The following BTD variants were observed in gnomAD, a reference collection of about 807,000 sequenced individuals.
BTD encodes the protein biocytinase.
Under a neutral mutation model 17.7 loss-of-function variants are expected in BTD, and 13 were observed. That is an observed-to-expected ratio of 0.74 (90% CI 0.48 to 1.17). The LOEUF is 1.17. BTD is among the 50% of genes most tolerant of loss of function. The pLI is 0.00. For missense variants in BTD, 674 were observed against 650.4 expected (o/e 1.04, Z -0.39); for synonymous variants, 240 against 245.2 (o/e 0.98, Z 0.20).
At chr3:15,622,548 A>G (rs896457464) in intron 1 of BTD, among the ~76,000 whole-genome samples, 1 of 152,212 alleles carries the variant, frequency 6.6e-6, no homozygotes, top group Non-Finnish European at 1.5e-5. Context: ...AGTAGTCTAT[A>G]GATGTCCCTT....
chr3:15,663,640 A>G (rs2065948089), intron 3 of BTD, among the ~76,000 whole-genome samples: 1 of 152,156 alleles, frequency 6.6e-6, no homozygotes, highest in Non-Finnish European at 1.5e-5. Context: ...TCCTTTAAAC[A>G]TCTATGGGCT....
rs577214765 is a variant in BTD at position 15,676,905 on chromosome 3, A to T, written c.400-33155A>T. The stretch of plus-strand genomic sequence containing the variant: ...AACCTATTCCAATAGTCACATGTTT[A>T]AAAAAATCCATTTATCATTTTTATA... On this transcript the variant is annotated intron_variant, in intron 3 of 3. Transcript: ENST00000672141. 1.5e-5 allele frequency: 20 copies of T among 1,346,706 alleles called. No individual in the cohort carries two copies. In the African/African-American group the frequency reaches 2.3e-4, roughly 16 times the overall value. 83.4% of individuals were successfully genotyped at this position (1,346,706 alleles called of 1,614,324 possible). A position where few individuals can be genotyped will look rare whatever the true frequency, so the allele number is the denominator to read the frequency against.
intron 3 of BTD, among the ~76,000 whole-genome samples, chr3:15,673,741 C>T (rs2066618473): frequency 6.6e-6 from 1 of 151,980 alleles, no homozygotes; most frequent in Admixed American, 6.6e-5. Context: ...AGTGTTCAGG[C>T]AGAGTAAACA....
In BTD at chr3:15,663,749, T is replaced by TA. The variant is rs199831203; in HGVS notation, c.399+21699dup. Among the ~76,000 whole-genome samples, 873 of 152,272 alleles carry TA rather than the reference T, an allele frequency of 5.7e-3. 9 individuals carry two copies. The highest frequency in any genetic ancestry group is 0.02 in the African/African-American group (811 of 41,540). On this transcript the variant is annotated intron_variant, in intron 3 of 3. Transcript: ENST00000672141. ...GAGTTTTACTGATGTTATTAATCTTTAAAAAAACCCAAGTCTTGATTTTGT... is the reference window on the plus strand; with the variant it reads ...GAGTTTTACTGATGTTATTAATCTTTAAAAAAAACCCAAGTCTTGATTTTGT...
chr3:15,636,826 G>A (rs2065362840), intron 2 of BTD, among the ~76,000 whole-genome samples: 1 of 152,008 alleles, frequency 6.6e-6, no homozygotes, highest in Admixed American at 6.6e-5. Flanking sequence ...TGTATAACAT[G>A]ATGTTGAAAG....
At chr3:15,698,337 G>C (rs184609313) in intron 3 of BTD, among the ~76,000 whole-genome samples, 97 of 152,244 alleles carry the variant, frequency 6.4e-4, no homozygotes, top group Non-Finnish European at 1.1e-3. Flanking sequence ...CACAAGACAG[G>C]GATGCCCTCT....
intron 3 of BTD, among the ~76,000 whole-genome samples, chr3:15,693,528 T>C (rs2069107836): frequency 6.6e-6 from 1 of 152,144 alleles, no homozygotes; most frequent in Non-Finnish European, 1.5e-5. Flanking sequence ...ATGCTACTAG[T>C]TGAATCTCCA....
At chr3:15,661,841 T>C (rs952073717) in intron 3 of BTD, among the ~76,000 whole-genome samples, 1 of 152,244 alleles carries the variant, frequency 6.6e-6, no homozygotes, top group Non-Finnish European at 1.5e-5. Context: ...ACTTTTTGCA[T>C]GTAGTTGTCT....
exon 4 of BTD, chr3:15,711,237 A>T (rs1180066702): frequency 1.2e-6 from 2 of 1,612,894 alleles, no homozygotes; most frequent in African/African-American, 2.7e-5. Context: ...CATGTAGACA[A>T]GTCCTGCCAA....
intron 3 of BTD, among the ~76,000 whole-genome samples, chr3:15,697,538 T>C (rs2069822749): frequency 6.6e-6 from 1 of 152,134 alleles, no homozygotes; most frequent in Non-Finnish European, 1.5e-5. Context: ...GTTCTGTTTA[T>C]GTGATGGATT....
rs368779075 is a variant in BTD, at chr3:15,624,526, C to T, written c.-16-10898C>T. 5.7e-4 allele frequency among the ~76,000 whole-genome samples: 87 copies of T among 152,020 alleles called. 1 individual carries two copies. In the South Asian group the frequency reaches 0.018, roughly 32 times the overall value. On this transcript the variant is annotated intron_variant, in intron 1 of 3. Transcript: ENST00000643237. The stretch of plus-strand genomic sequence containing the variant: ...AATCCATTAAAGTGATTCTTCATTT[C>T]TGTTAGTGTTTTTTAATCTCAGGCA...
rs1236294184 is a variant in BTD at position 15,648,826 on chromosome 3, AGAG to A, written c.*3342_*3344del. Among the ~76,000 whole-genome samples the A allele has an allele frequency of 2.1e-4, 31 of 150,102 alleles. No homozygotes were observed. The highest frequency in any genetic ancestry group is 1.3e-3 in the East Asian group (6 of 4,538). ...TCCAATATGACATGTCCTTATCAGA[AGAG>A]GAGAAGACACACACACAGGGAGAAG... is the stretch of plus-strand genomic sequence containing the variant. On this transcript the variant is annotated 3_prime_UTR_variant, in exon 4 of 4. Coordinates refer to ENST00000643237, the MANE Select transcript of BTD (RefSeq NM_001370658.1).
chr3:15,685,122 C>G lies in BTD; in HGVS notation c.400-24938C>G, dbSNP rs527266555. The G allele has an allele frequency of 5.0e-6, 6 of 1,196,028 alleles. No homozygotes were observed. The African/African-American group carries it at 7.5e-5, about 15-fold the overall frequency. The allele number at this position is 1,196,028 out of a possible 1,614,324, so 74.1% of individuals were successfully genotyped here. A position where few individuals can be genotyped will look rare whatever the true frequency, so the allele number is the denominator to read the frequency against. On this transcript the variant is annotated intron_variant, in intron 3 of 3. Transcript: ENST00000672141. Reference sequence around the variant, plus strand: ...GTGAGCCTATACAGTAGATTATTCCCAAGGTTTTTGCTAATTTTAAACTTA... The same window carrying G: ...GTGAGCCTATACAGTAGATTATTCCGAAGGTTTTTGCTAATTTTAAACTTA...
At chr3:15,697,330 T>G (rs2069759655) in intron 3 of BTD, 1 of 152,590 alleles carries the variant, frequency 6.6e-6, no homozygotes, top group Admixed American at 6.6e-5. Flanking sequence ...ATCCATCATA[T>G]TTTACTCCAT....
chr3:15,635,743 A>G lies in BTD; in HGVS notation c.249+55A>G. 1 of 1,612,072 alleles carries G rather than the reference A, an allele frequency of 6.2e-7. No homozygotes were observed. The stretch of plus-strand genomic sequence containing the variant: ...TCTCATACAGAGCAGATTGCTCTTT[A>G]CCCCTTGATCAGTGGTTGGGTAATC... On this transcript the variant is annotated intron_variant, in intron 2 of 3. Coordinates refer to ENST00000643237, the MANE Select transcript of BTD (RefSeq NM_001370658.1). This position sits in a 1 kb window ranked among gnomAD's most constrained non-coding sequence, Gnocchi z 4.1.
chr3:15,627,971 C>T (rs1233941287), intron 1 of BTD, among the ~76,000 whole-genome samples: 1 of 152,222 alleles, frequency 6.6e-6, no homozygotes, highest in Non-Finnish European at 1.5e-5. Flanking sequence ...ATCTACCCAC[C>T]TTGGCCTCCC....
chr3:15,684,987 A>C, intron 3 of BTD: 1 of 507,320 alleles, frequency 2.0e-6, no homozygotes, highest in Non-Finnish European at 3.5e-6. Flanking sequence ...AGAAAAGAAA[A>C]ACCTCAAAAA....
chr3:15,701,465 A>G (rs1418072123), intron 3 of BTD, among the ~76,000 whole-genome samples: 2 of 151,990 alleles, frequency 1.3e-5, no homozygotes, highest in East Asian at 1.9e-4. Flanking sequence ...ACCAACATGG[A>G]GAAACCCCAT....
chr3:15,710,931 A>C (rs1394187400), exon 4 of BTD, among the ~76,000 whole-genome samples: 6 of 152,172 alleles, frequency 3.9e-5, no homozygotes, highest in African/African-American at 1.4e-4. Flanking sequence ...TACTTTTTAA[A>C]GAAATAGTTT....
Sources: gnomAD v4.1 joint callset for allele counts (sites outside exome capture counted in the v4.1 genomes callset) on GRCh38, gnomAD v4.1.1 for gene constraint, Gnocchi (gnomAD v3.1) non-coding constraint, MANE v1.5 for transcripts, NCBI Gene and HGNC (gene_info 2026-07-23, HGNC 2026-07-21) for gene names.